Variants in PHACTR1 observed in about 807,000 individuals in gnomAD.
The protein encoded by PHACTR1 is phosphatase and actin regulator 1.
In PHACTR1, 16 loss-of-function variants were observed where a neutral mutation model predicts 69.2. The observed-to-expected ratio is 0.23, with a 90% confidence interval of 0.16 to 0.35. The LOEUF (loss-of-function observed/expected upper bound fraction) is 0.35. PHACTR1 is among the 10% of genes least tolerant of loss of function. The pLI is 1.00. For missense variants in PHACTR1, 510 were observed against 734.7 expected (o/e 0.69, Z 3.54); for synonymous variants, 312 against 284.5 (o/e 1.10, Z -0.97).
At chr6:12,756,013 G>T (rs891333050) in intron 4 of PHACTR1, among the ~76,000 whole-genome samples, 4 of 152,056 alleles carry the variant, frequency 2.6e-5, no homozygotes, top group African/African-American at 9.7e-5. Flanking sequence ...AAACTGACAG[G>T]TTCATCACCT....
Position 13,003,951 on chromosome 6 carries a change from C to CTATATA in PHACTR1, c.251-49406_251-49401dup, listed in dbSNP as rs1384494931. On this transcript the variant is annotated intron_variant, in intron 4 of 14. Coordinates refer to ENST00000332995, the MANE Select transcript of PHACTR1 (RefSeq NM_030948.6). The stretch of plus-strand genomic sequence containing the variant: ...CTTTTTTTATGGCTCAGTAGTATTC[C>CTATATA]TATATATATATATGTATATATATAT... 3.1e-4 allele frequency among the ~76,000 whole-genome samples: 29 copies of CTATATA among 93,548 alleles called. 2 individuals are homozygous for CTATATA. Among genetic ancestry groups the CTATATA allele is most frequent in the African/African-American group, 1.4e-3 (23 of 16,058 alleles). 61.4% of individuals were successfully genotyped at this position (93,548 alleles called of 152,430 possible). A position where few individuals can be genotyped will look rare whatever the true frequency, so the allele number is the denominator to read the frequency against.
intron 4 of PHACTR1, among the ~76,000 whole-genome samples, chr6:12,763,504 A>G (rs1768270373): frequency 6.6e-6 from 1 of 152,234 alleles, no homozygotes; most frequent in Admixed American, 6.5e-5. Flanking sequence ...CAGCAGAGTT[A>G]TAGCTACTGG....
rs73723322 is a variant in PHACTR1, at chr6:12,989,813, G to A, written c.251-63552G>A. Among the ~76,000 whole-genome samples, 282 of 152,310 alleles carry A rather than the reference G, an allele frequency of 1.9e-3. 1 individual carries two copies. The highest frequency in any genetic ancestry group is 6.6e-3 in the African/African-American group (274 of 41,568). ...GAAAGGGAGGCAATGTGTCATAGGC[G>A]TAATCTATAGCAATGGTGGTTTAAA... On this transcript the variant is annotated intron_variant, in intron 4 of 14. Coordinates refer to ENST00000332995, the MANE Select transcript of PHACTR1 (RefSeq NM_030948.6).
chr6:13,024,640 A>T (rs975226120), intron 4 of PHACTR1, among the ~76,000 whole-genome samples: 7 of 152,212 alleles, frequency 4.6e-5, no homozygotes, highest in African/African-American at 1.7e-4. Context: ...ATGTGCTCAT[A>T]TCCAGAACAA....
intron 5 of PHACTR1, among the ~76,000 whole-genome samples, chr6:13,120,743 C>T (rs886630259): frequency 6.6e-6 from 1 of 152,186 alleles, no homozygotes; most frequent in Admixed American, 6.5e-5. Flanking sequence ...GTAGGAAAAA[C>T]AGGGGGCATG....
chr6:13,208,614 C>A (rs1396825377), intron 8 of PHACTR1, among the ~76,000 whole-genome samples: 1 of 151,166 alleles, frequency 6.6e-6, no homozygotes, highest in African/African-American at 2.4e-5. Flanking sequence ...ATGTAGCAGC[C>A]AACGTCATTG....
intron 5 of PHACTR1, among the ~76,000 whole-genome samples, chr6:13,064,608 ATATATC>A (rs1463171210): frequency 0.014 from 132 of 9,650 alleles, 33 homozygotes; most frequent in Middle Eastern, 0.036. Context: ...ATATATATCT[ATATATC>A]TATCTATCCA....
At chr6:13,144,240 G>A (rs1475742145) in intron 5 of PHACTR1, among the ~76,000 whole-genome samples, 6 of 152,052 alleles carry the variant, frequency 3.9e-5, no homozygotes, top group African/African-American at 1.4e-4. Context: ...GGTAATAAAG[G>A]TTTAAAGATT....
chr6:12,817,968 C>T (rs996003766), intron 4 of PHACTR1, among the ~76,000 whole-genome samples: 6 of 151,978 alleles, frequency 3.9e-5, no homozygotes, highest in African/African-American at 7.2e-5. Flanking sequence ...GGACTACAGG[C>T]GCCTGCCACC....
intron 4 of PHACTR1, among the ~76,000 whole-genome samples, chr6:12,815,473 G>A (rs1177670746): frequency 1.3e-5 from 2 of 152,162 alleles, no homozygotes; most frequent in Non-Finnish European, 2.9e-5. Context: ...AAATTAATCT[G>A]TTTCCGTGTA....
At chr6:12,780,728 C>G (rs1439209892) in intron 4 of PHACTR1, among the ~76,000 whole-genome samples, 1 of 152,182 alleles carries the variant, frequency 6.6e-6, no homozygotes, top group Non-Finnish European at 1.5e-5. Context: ...CGATAGTCAC[C>G]TGAAAAAGGC....
chr6:13,178,305 C>T (rs1327111986), intron 6 of PHACTR1, among the ~76,000 whole-genome samples: 2 of 152,214 alleles, frequency 1.3e-5, no homozygotes, highest in Non-Finnish European at 2.9e-5. Flanking sequence ...CCTGCTTCCT[C>T]ATGCTGTCTG....
At chr6:13,153,753 T>G (rs73723394) in intron 5 of PHACTR1, among the ~76,000 whole-genome samples, 1 of 152,126 alleles carries the variant, frequency 6.6e-6, no homozygotes, top group Non-Finnish European at 1.5e-5. Context: ...AGAACTAGAC[T>G]CCGGATTTTT....
At chr6:13,160,179 C>T (rs777106693) in intron 5 of PHACTR1, 25 bp from the exon 6 acceptor site, 1 of 1,602,716 alleles carries the variant, frequency 6.2e-7, no homozygotes, top group South Asian at 1.1e-5. Flanking sequence ...TCACATCTGC[C>T]TCCCTGTTTG....
intron 4 of PHACTR1, among the ~76,000 whole-genome samples, chr6:12,999,567 C>G (rs1268705711): frequency 6.6e-6 from 1 of 152,130 alleles, no homozygotes; most frequent in Non-Finnish European, 1.5e-5. Flanking sequence ...CCACTGCACT[C>G]CAGCCTGGGT....
chr6:13,159,796 T>G (rs1561918674), intron 5 of PHACTR1, among the ~76,000 whole-genome samples: 1 of 152,050 alleles, frequency 6.6e-6, no homozygotes, highest in African/African-American at 2.4e-5. Flanking sequence ...AAAAATTAGC[T>G]GTGTGTGGTG....
chr6:12,906,851 G>C (rs1785789840), intron 4 of PHACTR1, among the ~76,000 whole-genome samples: 1 of 152,158 alleles, frequency 6.6e-6, no homozygotes, highest in Non-Finnish European at 1.5e-5. Context: ...ATTACATTTA[G>C]AGAAATTAGG....
At chr6:12,959,192 A>AAAAAAAAAAAAAAAAAAAAG (rs1253124532) in intron 4 of PHACTR1, among the ~76,000 whole-genome samples, 1 of 106,630 alleles carries the variant, frequency 9.4e-6, no homozygotes, top group African/African-American at 5.8e-5. Flanking sequence ...AAAAAAAAAA[A>AAAAAAAAAAAAAAAAAAAAG]AAAGAAAAGA....
intron 4 of PHACTR1, among the ~76,000 whole-genome samples, chr6:12,968,658 G>A (rs898876009): frequency 6.6e-5 from 10 of 152,154 alleles, no homozygotes; most frequent in Admixed American, 2.6e-4. Context: ...ACTAAAATGC[G>A]AAAGGACTTT....
Sources: allele counts gnomAD v4.1 joint callset (sites outside exome capture counted in the v4.1 genomes callset), GRCh38; gene constraint gnomAD v4.1.1; transcripts MANE v1.5; gene names NCBI Gene and HGNC (gene_info 2026-07-23, HGNC 2026-07-21).